The following HPSE2 variants were observed in gnomAD, a reference collection of about 807,000 sequenced individuals.
HPSE2 encodes inactive heparanase-2.
Under a neutral mutation model 60.5 loss-of-function variants are expected in HPSE2, and 38 were observed. The observed-to-expected ratio is 0.63, with a 90% CI of 0.48 to 0.82. The LOEUF is 0.82. Ranked by LOEUF, HPSE2 falls within the 40% of genes least tolerant of loss-of-function variation. The pLI, the probability that HPSE2 is intolerant of heterozygous loss-of-function variation, is 0.00. For missense variants in HPSE2, 713 were observed against 740.4 expected (o/e 0.96, Z 0.43); for synonymous variants, 295 against 293.2 (o/e 1.01, Z -0.06).
chr10:99,134,502 A>C lies in HPSE2; in HGVS notation c.610+9736T>G, dbSNP rs550754393. Among the ~76,000 whole-genome samples the C allele has an allele frequency of 2.6e-5, 4 of 152,382 alleles. No individual in the cohort carries two copies. The South Asian group carries it at 8.3e-4, about 32-fold the overall frequency. On this transcript the variant is annotated intron_variant, in intron 3 of 11. Transcript: ENST00000370552. The stretch of plus-strand genomic sequence containing the variant: ...TCGGGTTACCCACAAAGGGAAGCCC[A>C]TCAGACTAACAGTGGATCTCTCTGC...
intron 9 of HPSE2, among the ~76,000 whole-genome samples, chr10:98,600,900 T>TATA (rs1169800314): frequency 1.6e-3 from 117 of 73,066 alleles, no homozygotes; most frequent in African/African-American, 6.2e-3. Context: ...TACGTATATA[T>TATA]ATGTGTGTGT....
At chr10:99,258,113 C>T in the HPSE2 span, among the ~76,000 whole-genome samples, 3 of 151,666 alleles carry the variant, frequency 2.0e-5, no homozygotes, top group African/African-American at 7.3e-5. Flanking sequence ...TGCACTCCAG[C>T]CTGGTGACTG....
At chr10:98,881,895 C>G (rs1424370685) in intron 3 of HPSE2, among the ~76,000 whole-genome samples, 1 of 152,038 alleles carries the variant, frequency 6.6e-6, no homozygotes, top group East Asian at 1.9e-4. Flanking sequence ...CCCCTGCATC[C>G]ATTGGAAGTG....
At chr10:98,842,611 T>C (rs1341965842) in intron 3 of HPSE2, among the ~76,000 whole-genome samples, 1 of 151,572 alleles carries the variant, frequency 6.6e-6, no homozygotes, top group Non-Finnish European at 1.5e-5. Flanking sequence ...TTCCTATATA[T>C]GCCCTGTCCC....
intron 3 of HPSE2, among the ~76,000 whole-genome samples, chr10:99,077,720 A>ATG (rs71009723): frequency 4.0e-4 from 61 of 151,044 alleles, no homozygotes; most frequent in Admixed American, 5.9e-4. Context: ...GTGTATATAT[A>ATG]TGTGTGTGTG....
intron 3 of HPSE2, among the ~76,000 whole-genome samples, chr10:99,086,346 C>CTTTT (rs66562418): frequency 0.018 from 1,460 of 82,906 alleles, 4 homozygotes; most frequent in African/African-American, 0.038. Context: ...AAAGTACTTT[C>CTTTT]TTTTTTTTTT....
chr10:98,724,879 C>A (rs11189779), intron 4 of HPSE2, among the ~76,000 whole-genome samples: 1 of 151,894 alleles, frequency 6.6e-6, no homozygotes, highest in East Asian at 1.9e-4. Context: ...GAGTGAACTC[C>A]CATTCACAAT....
At chr10:99,144,171 T>C in intron 3 of HPSE2, 67 bp downstream of exon 3, 2 of 1,445,162 alleles carry the variant, frequency 1.4e-6, no homozygotes, top group South Asian at 2.3e-5. Context: ...GACAGACAGA[T>C]GTGTACCCCA....
rs1338801183 is a variant in HPSE2, at chr10:98,698,496, A to T, written c.957-4549T>A. On this transcript the variant is annotated intron_variant, in intron 5 of 11. Transcript: ENST00000370552. ...TCTGGGACACATTCAAAGCAGTGTG[A>T]AGAGGGAAATTTATAGCACTAAATG... is the stretch of plus-strand genomic sequence containing the variant. Among the ~76,000 whole-genome samples the T allele has an allele frequency of 1.7e-3, 252 of 151,858 alleles. 1 individual carries two copies. The highest frequency in any genetic ancestry group is 5.4e-3 in the African/African-American group (224 of 41,344).
chr10:98,524,113 C>T (rs1201132103), intron 9 of HPSE2, among the ~76,000 whole-genome samples: 1 of 152,192 alleles, frequency 6.6e-6, no homozygotes, highest in African/African-American at 2.4e-5. Context: ...CCCCATGCTC[C>T]AAAGAGCCCT....
chr10:99,278,966 C>CA, the HPSE2 span, among the ~76,000 whole-genome samples: 1 of 151,998 alleles, frequency 6.6e-6, no homozygotes, highest in African/African-American at 2.4e-5. Flanking sequence ...ATTTCCCTTT[C>CA]AAAAAATGCC....
intron 3 of HPSE2, among the ~76,000 whole-genome samples, chr10:98,981,473 C>T (rs1361331374): frequency 6.6e-6 from 1 of 152,092 alleles, no homozygotes. Flanking sequence ...TCCTCATAGG[C>T]TTAGTGTAAG....
intron 9 of HPSE2, among the ~76,000 whole-genome samples, chr10:98,501,502 C>T (rs1342424657): frequency 1.3e-5 from 2 of 152,166 alleles, no homozygotes; most frequent in Admixed American, 6.5e-5. Context: ...TCCAGCATCT[C>T]TTTATGATTA....
chr10:98,983,093 G>A (rs970882475), intron 3 of HPSE2, among the ~76,000 whole-genome samples: 5 of 152,204 alleles, frequency 3.3e-5, no homozygotes, highest in African/African-American at 1.2e-4. Context: ...TTTGGCACCA[G>A]GGACCAGTTT....
intron 3 of HPSE2, chr10:99,013,363 T>G: frequency 1.7e-6 from 1 of 596,646 alleles, no homozygotes; most frequent in East Asian, 3.8e-5. Context: ...TCTGTACTGT[T>G]CACAGCAACT....
chr10:98,635,577 T>C (rs1014421756), intron 7 of HPSE2, among the ~76,000 whole-genome samples: 12 of 152,122 alleles, frequency 7.9e-5, no homozygotes, highest in Middle Eastern at 3.4e-3. Flanking sequence ...GACCAGAAGT[T>C]TGAGGCCACC....
At chr10:98,608,609 C>A (rs750502520) in intron 9 of HPSE2, among the ~76,000 whole-genome samples, 1 of 152,228 alleles carries the variant, frequency 6.6e-6, no homozygotes, top group Non-Finnish European at 1.5e-5. Flanking sequence ...CCAGGCACTT[C>A]GGCCACTGAC....
At chr10:98,659,129 A>AT (rs947786234) in intron 6 of HPSE2, among the ~76,000 whole-genome samples, 6 of 151,632 alleles carry the variant, frequency 4.0e-5, no homozygotes, top group South Asian at 2.1e-4. Context: ...ACTACTAATC[A>AT]TTTTTTTTGT....
At chr10:98,463,726 G>C (rs547512604) in intron 11 of HPSE2, among the ~76,000 whole-genome samples, 21 of 152,276 alleles carry the variant, frequency 1.4e-4, no homozygotes, top group African/African-American at 4.8e-4. Context: ...GATTGCTTGA[G>C]CCCAGGACAT....
Sources: gnomAD v4.1 joint callset for allele counts (sites outside exome capture counted in the v4.1 genomes callset) on GRCh38, gnomAD v4.1.1 for gene constraint, MANE v1.5 for transcripts, NCBI Gene and HGNC (gene_info 2026-07-23, HGNC 2026-07-21) for gene names.